The following DNER variants were observed in gnomAD, a reference collection of about 807,000 sequenced individuals.
DNER encodes delta/notch like EGF repeat containing.
Under a neutral mutation model 78.2 loss-of-function variants are expected in DNER, and 33 were observed. That is an observed-to-expected ratio of 0.42 (90% CI 0.32 to 0.56). The LOEUF is 0.56. Among genes scored for constraint, DNER ranks in the 20% least tolerant of loss-of-function variants. The pLI, the probability that DNER is intolerant of heterozygous loss-of-function variation, is 0.11. For missense variants in DNER, 918 were observed against 975.3 expected (o/e 0.94, Z 0.78); for synonymous variants, 417 against 384.8 (o/e 1.08, Z -0.98).
At chr2:229,574,230 A>G (rs1248796195) in intron 4 of DNER, among the ~76,000 whole-genome samples, 2 of 152,194 alleles carry the variant, frequency 1.3e-5, no homozygotes, top group Non-Finnish European at 2.9e-5. Context: ...AGTAAATTCC[A>G]TATCTGGGAA....
chr2:229,654,905 A>G (rs1698887507), intron 1 of DNER, among the ~76,000 whole-genome samples: 1 of 152,184 alleles, frequency 6.6e-6, no homozygotes, highest in African/African-American at 2.4e-5. Flanking sequence ...CCCAACTAGA[A>G]GTGTTGGTTT....
At chr2:229,567,763 T>C (rs1697140655) in intron 4 of DNER, among the ~76,000 whole-genome samples, 1 of 152,214 alleles carries the variant, frequency 6.6e-6, no homozygotes, top group African/African-American at 2.4e-5. Flanking sequence ...CTGTTCCCAA[T>C]CAGCTCTCTC....
chr2:229,458,501 C>T (rs186982012), intron 7 of DNER, among the ~76,000 whole-genome samples: 72 of 151,920 alleles, frequency 4.7e-4, no homozygotes, highest in African/African-American at 1.6e-3. Context: ...TTTTCATGTG[C>T]ACATGAAATA....
intron 1 of DNER, among the ~76,000 whole-genome samples, chr2:229,686,206 C>T (rs1022891799): frequency 4.6e-5 from 7 of 152,130 alleles, no homozygotes; most frequent in African/African-American, 1.7e-4. Flanking sequence ...TTTGCACTCC[C>T]CACAGAATGG....
At chr2:229,613,992 C>G (rs866637227) in intron 1 of DNER, among the ~76,000 whole-genome samples, 1 of 132,102 alleles carries the variant, frequency 7.6e-6, no homozygotes, top group East Asian at 2.2e-4. Flanking sequence ...CACATGGACA[C>G]AGGAAGGGGA....
At chr2:229,372,255 A>G (rs989675769) in intron 11 of DNER, among the ~76,000 whole-genome samples, 1 of 152,266 alleles carries the variant, frequency 6.6e-6, no homozygotes. Flanking sequence ...AAAACAAAGT[A>G]AAAGTACAAC....
chr2:229,571,855 G>C (rs1403624146), intron 4 of DNER, among the ~76,000 whole-genome samples: 2 of 151,878 alleles, frequency 1.3e-5, no homozygotes, highest in Non-Finnish European at 2.9e-5. Context: ...CCATAGGCCT[G>C]CTTTTGCTCC....
chr2:229,691,082 A>G (rs557975119), intron 1 of DNER, among the ~76,000 whole-genome samples: 1 of 152,310 alleles, frequency 6.6e-6, no homozygotes, highest in Non-Finnish European at 1.5e-5. Context: ...GCTGAGAATA[A>G]CTAAAAAGCT....
intron 11 of DNER, among the ~76,000 whole-genome samples, chr2:229,378,626 G>A (rs1692663443): frequency 1.3e-5 from 2 of 152,198 alleles, no homozygotes; most frequent in African/African-American, 4.8e-5. Context: ...ATGGTTCTCT[G>A]TGTACATCTG....
intron 5 of DNER, among the ~76,000 whole-genome samples, chr2:229,544,410 C>G (rs1696577992): frequency 6.6e-6 from 1 of 152,166 alleles, no homozygotes; most frequent in African/African-American, 2.4e-5. Context: ...AAAGATTTAG[C>G]AGAAATGATT....
At chr2:229,432,217 T>C (rs1459344847) in intron 8 of DNER, among the ~76,000 whole-genome samples, 1 of 152,194 alleles carries the variant, frequency 6.6e-6, no homozygotes, top group Non-Finnish European at 1.5e-5. Flanking sequence ...ATCTAGCATG[T>C]TTATAAACAC....
chr2:229,358,597 T>A lies in DNER; in HGVS notation c.2157A>T (p.Glu719Asp). 1.9e-6 allele frequency: 3 copies of A among 1,614,044 alleles called. No homozygotes were observed. Among genetic ancestry groups the A allele is most frequent in the Non-Finnish European group, 2.5e-6 (3 of 1,179,952 alleles). ...AMYDVSPIAY[E>D]DYSPDDKPLV... ...AGGGTTTGTCATCAGGACTGTAATC[T>A]TCATAGGCGATGGGGCTCACATCAT... The change falls in exon 13 of 13, where the codon GAA (glutamate) becomes GAT (aspartate). Residue 719 changes from glutamate (E) to aspartate (D), a missense_variant. Physicochemically the swap from Glu to Asp is conservative, Grantham distance 45. Coordinates refer to ENST00000341772, the MANE Select transcript of DNER (RefSeq NM_139072.4).
At chr2:229,651,696 T>G (rs1234678374) in intron 1 of DNER, among the ~76,000 whole-genome samples, 2 of 152,206 alleles carry the variant, frequency 1.3e-5, no homozygotes, top group Non-Finnish European at 2.9e-5. Context: ...GAGGATTCTT[T>G]TTTTCCCAAA....
chr2:229,567,336 A>G (rs775479592), intron 4 of DNER, among the ~76,000 whole-genome samples: 1 of 152,216 alleles, frequency 6.6e-6, no homozygotes, highest in African/African-American at 2.4e-5. Context: ...TTGCTCTATC[A>G]CCAGCTCCAA....
intron 3 of DNER, 66 bp from the exon 4 acceptor site, chr2:229,586,090 C>T: frequency 2.0e-6 from 3 of 1,510,736 alleles, no homozygotes; most frequent in Non-Finnish European, 2.7e-6. Context: ...ACCAGTTCTT[C>T]AAATTAAAAA....
Position 229,468,341 on chromosome 2 carries a change from C to G in DNER, c.1261+8799G>C, listed in dbSNP as rs577990254. 1.6e-3 allele frequency among the ~76,000 whole-genome samples: 242 copies of G among 152,298 alleles called. 2 individuals carry two copies. The highest frequency in any genetic ancestry group is 5.5e-3 in the African/African-American group (229 of 41,550). ...ATTACAGTTTGGGGGGTCATGCAGC[C>G]TCTGGCTCCAAGAGTCTGAACCTCC... On this transcript the variant is annotated intron_variant, in intron 7 of 12. Transcript: ENST00000341772.
intron 1 of DNER, among the ~76,000 whole-genome samples, chr2:229,623,013 C>T (rs985975723): frequency 2.0e-5 from 3 of 152,184 alleles, no homozygotes; most frequent in African/African-American, 7.2e-5. Flanking sequence ...ATCTGGTCAA[C>T]CGTTGGTTTG....
chr2:229,588,430 A>C lies in DNER; in HGVS notation c.644T>G (p.Leu215Arg), dbSNP rs767322185. Residue 215 changes from leucine to arginine, a missense_variant, in exon 3 of 13, where the codon CTG (leucine) becomes CGG (arginine). By Grantham distance (102) the Leu-to-Arg change is moderately radical. Transcript: ENST00000341772. ...GTTCTGTGGCACTTCAAAGGATACC[A>C]GGCGGCCACCCGCAGAGCTGTTAGA... ...ASSNSSAGGR[L>R]VSFEVPQNTS... 4.5e-6 allele frequency: 7 copies of C among 1,563,988 alleles called. No homozygotes were observed. In the African/African-American group the frequency reaches 9.7e-5, roughly 22 times the overall value.
In DNER at chr2:229,547,063, T is replaced by C; in HGVS notation, c.877A>G (p.Ile293Val). The change falls in exon 5 of 13, where the codon ATT becomes GTT. Residue 293 changes from isoleucine to valine, a missense_variant. Coordinates refer to ENST00000341772, the MANE Select transcript of DNER (RefSeq NM_139072.4). ...ACCAGAGTTAAGCGCAAAGCCACAA[T>C]AGACTTAGTCACAGAATCATTCACA... ...GFVNDSVTKSIVALRLTLVVK... is the reference protein window; with the variant it reads ...GFVNDSVTKSVVALRLTLVVK... 1 of 1,614,064 alleles carries C rather than the reference T, an allele frequency of 6.2e-7. No individual in the cohort carries two copies. Among genetic ancestry groups the C allele is most frequent in the Non-Finnish European group, 8.5e-7 (1 of 1,179,992 alleles).
Sources: gnomAD v4.1 joint callset for allele counts (sites outside exome capture counted in the v4.1 genomes callset) on GRCh38, gnomAD v4.1.1 for gene constraint, MANE v1.5 for transcripts, NCBI Gene and HGNC (gene_info 2026-07-23, HGNC 2026-07-21) for gene names.